The following GAK variants were observed in gnomAD, a reference collection of about 807,000 sequenced individuals.
The protein encoded by GAK is cyclin G associated kinase.
In GAK, 79 loss-of-function variants were observed where a neutral mutation model predicts 143.9. The observed-to-expected ratio is 0.55, with a 90% CI of 0.46 to 0.66. The LOEUF (loss-of-function observed/expected upper bound fraction) is 0.66, where lower values mean the gene tolerates loss of function less well. GAK is among the 30% of genes least tolerant of loss of function. The probability of loss-of-function intolerance (pLI) is 0.00; values close to 1 mark genes in which losing one functional copy is unlikely to be tolerated. For missense variants in GAK, 1,693 were observed against 1,779.7 expected (o/e 0.95, Z 0.88); for synonymous variants, 881 against 765.5 (o/e 1.15, Z -2.49).
At chr4:900,667 C>T (rs1437577673) in intron 5 of GAK, among the ~76,000 whole-genome samples, 2 of 152,168 alleles carry the variant, frequency 1.3e-5, no homozygotes, top group African/African-American at 4.8e-5. Context: ...GCCCTGCAGC[C>T]CCTTCCGTCA....
intron 1 of GAK, among the ~76,000 whole-genome samples, chr4:923,344 T>C (rs1379065809): frequency 2.0e-5 from 3 of 152,170 alleles, no homozygotes; most frequent in South Asian, 2.1e-4. Flanking sequence ...CCCTGTTATA[T>C]ACATTTTACA....
intron 9 of GAK, among the ~76,000 whole-genome samples, chr4:891,577 AAGC>A (rs1717669521): frequency 1.3e-5 from 2 of 151,970 alleles, no homozygotes; most frequent in African/African-American, 4.8e-5. Context: ...CCCGGCCTAG[AAGC>A]ACTCAGATGA....
chr4:928,924 C>T (rs1016385587), intron 1 of GAK, among the ~76,000 whole-genome samples: 9 of 152,062 alleles, frequency 5.9e-5, no homozygotes, highest in African/African-American at 1.7e-4. Context: ...TCACCACACC[C>T]GGCTAATTTT....
chr4:904,243 C>T (rs553408296), intron 5 of GAK, among the ~76,000 whole-genome samples: 322 of 143,464 alleles, frequency 2.2e-3, no homozygotes, highest in African/African-American at 7.6e-3. Context: ...GGATGATGGG[C>T]GGCTCCTAAC....
intron 24 of GAK, 107 bp downstream of exon 24, chr4:859,499 T>C: frequency 6.2e-7 from 1 of 1,600,072 alleles, no homozygotes. Context: ...GGGGTCTTAG[T>C]GAACAGAGGC....
chr4:923,999 A>T (rs1406844971), intron 1 of GAK, among the ~76,000 whole-genome samples: 1 of 151,984 alleles, frequency 6.6e-6, no homozygotes, highest in Non-Finnish European at 1.5e-5. Flanking sequence ...AGCCTGACCA[A>T]CATAGTGACA....
Position 849,561 on chromosome 4 carries a change from C to A in GAK, c.*112G>T. The A allele has an allele frequency of 1.3e-6, 1 of 765,324 alleles. No homozygotes were observed. The highest frequency in any genetic ancestry group is 2.2e-6 in the Non-Finnish European group (1 of 450,034). 47.4% of individuals were successfully genotyped at this position (765,324 alleles called of 1,614,324 possible). On this transcript the variant is annotated 3_prime_UTR_variant, in exon 28 of 28. Coordinates refer to ENST00000314167, the MANE Select transcript of GAK (RefSeq NM_005255.4). ...GCGGGCGGTGACCCGGGGCTCGGAG[C>A]CCCACCCTGGCCACACCTGCTGTCG...
At chr4:899,882 G>A (rs544038277) in intron 5 of GAK, among the ~76,000 whole-genome samples, 8 of 152,334 alleles carry the variant, frequency 5.3e-5, no homozygotes, top group East Asian at 1.9e-4. Flanking sequence ...ACCCATGGCC[G>A]ACCAGAGAAA....
intron 15 of GAK, among the ~76,000 whole-genome samples, chr4:881,413 C>T (rs1037926357): frequency 5.9e-5 from 9 of 152,334 alleles, no homozygotes; most frequent in South Asian, 4.1e-4. Context: ...GCCCTAAACA[C>T]GCTGTGACCA....
intron 22 of GAK, among the ~76,000 whole-genome samples, 192 bp downstream of exon 22, chr4:866,172 G>A (rs563248637): frequency 8.5e-5 from 13 of 152,368 alleles, no homozygotes; most frequent in African/African-American, 3.1e-4. Context: ...GGTTTGGGGA[G>A]ACAGAGCAGG....
intron 6 of GAK, among the ~76,000 whole-genome samples, chr4:896,883 C>T (rs1718906928): frequency 6.6e-6 from 1 of 152,266 alleles, no homozygotes; most frequent in Non-Finnish European, 1.5e-5. Context: ...TCACCTGGCA[C>T]AAGGGCCCCG....
chr4:923,033 A>G (rs1000012919), intron 1 of GAK, among the ~76,000 whole-genome samples: 6 of 152,260 alleles, frequency 3.9e-5, no homozygotes, highest in African/African-American at 1.4e-4. Context: ...CATCCTTCGA[A>G]TGACAAAATC....
chr4:861,232 G>A (rs1434011643), intron 23 of GAK, among the ~76,000 whole-genome samples: 1 of 152,114 alleles, frequency 6.6e-6, no homozygotes, highest in Non-Finnish European at 1.5e-5. Context: ...GAACACAAGA[G>A]TTGCAAGTGT....
chr4:893,556 C>T, intron 8 of GAK, 67 bp from the exon 9 acceptor site: 3 of 1,157,514 alleles, frequency 2.6e-6, no homozygotes, highest in African/African-American at 1.6e-5. Flanking sequence ...CCTGCACTGG[C>T]AGAGGTCACA....
intron 24 of GAK, among the ~76,000 whole-genome samples, chr4:858,993 C>A (rs1206461074): frequency 6.6e-6 from 1 of 152,230 alleles, no homozygotes; most frequent in African/African-American, 2.4e-5. Flanking sequence ...AAGGGAGGCC[C>A]CTTCAGATGA....
rs1028336517 is a variant in GAK, at chr4:912,340, G to C, written c.267+395C>G. Reference sequence around the variant, plus strand: ...GGGACAGCCTGAGAAGGGACGAGAGGGGCGGCTGAGAAGCCACATCGGGGC... The same window carrying C: ...GGGACAGCCTGAGAAGGGACGAGAGCGGCGGCTGAGAAGCCACATCGGGGC... On this transcript the variant is annotated intron_variant, in intron 3 of 27. Transcript: ENST00000314167. 63 of 368,072 alleles carry C rather than the reference G, an allele frequency of 1.7e-4. 1 individual carries two copies. Among genetic ancestry groups the C allele is most frequent in the South Asian group, 1.1e-3 (55 of 50,770 alleles). The allele number at this position is 368,072 out of a possible 1,614,324, so 22.8% of individuals were successfully genotyped here.
chr4:867,056 C>T lies in GAK; in HGVS notation c.2772G>A (p.Gly924=). The T allele has an allele frequency of 2.6e-6, 4 of 1,528,392 alleles. No individual in the cohort carries two copies. In the African/African-American group the frequency reaches 4.1e-5, roughly 16 times the overall value. 94.7% of individuals were successfully genotyped at this position (1,528,392 alleles called of 1,614,324 possible). Residue 924 remains glycine, a synonymous_variant, in exon 21 of 28, where the codon GGG becomes GGA. Coordinates refer to ENST00000314167, the MANE Select transcript of GAK (RefSeq NM_005255.4). ...CCTCGCTGAGCAGATCCTCCGGGGG[C>T]CCCTGGGAGGCGGCCTCAGGGGGCC... ...LLGPPEAASQ[G]PPEDLLSEDP...
intron 23 of GAK, among the ~76,000 whole-genome samples, chr4:861,043 T>C (rs1333387922): frequency 1.3e-5 from 2 of 152,188 alleles, no homozygotes; most frequent in African/African-American, 4.8e-5. Context: ...CTAATTGTTT[T>C]GGGGTGCCAT....
At chr4:904,895 C>A in intron 4 of GAK, 116 bp from the exon 5 acceptor site, 3 of 1,041,376 alleles carry the variant, frequency 2.9e-6, no homozygotes, top group Non-Finnish European at 4.2e-6. Context: ...CCTGACTTTC[C>A]ACACCTAAGT....
Sources: gnomAD v4.1 joint callset for allele counts (sites outside exome capture counted in the v4.1 genomes callset) on GRCh38, gnomAD v4.1.1 for gene constraint, MANE v1.5 for transcripts, NCBI Gene and HGNC (gene_info 2026-07-23, HGNC 2026-07-21) for gene names.